MTHFD2L: variants seen among roughly 807,000 people sequenced by gnomAD.
The protein encoded by MTHFD2L is bifunctional methylenetetrahydrofolate dehydrogenase/cyclohydrolase 2, mitochondrial.
In MTHFD2L, 29 loss-of-function variants were observed where a neutral mutation model predicts 34.9. The observed-to-expected ratio is 0.83, with a 90% confidence interval of 0.62 to 1.13. MTHFD2L has a LOEUF of 1.13. Among genes scored for constraint, MTHFD2L ranks in the 50% most tolerant of loss-of-function variants. The pLI, the probability that MTHFD2L is intolerant of heterozygous loss-of-function variation, is 0.00. For synonymous variants in MTHFD2L, 167 were observed against 155.7 expected, an observed-to-expected ratio of 1.07 and a Z score of -0.54; for missense variants, 481 against 446.5, an observed-to-expected ratio of 1.08 and a Z score of -0.70.
intron 1 of MTHFD2L, among the ~76,000 whole-genome samples, chr4:74,129,179 A>T (rs920548089): frequency 6.6e-6 from 1 of 151,952 alleles, no homozygotes; most frequent in South Asian, 2.1e-4. Flanking sequence ...TAAAAGAGAA[A>T]ACTAAAAAAC....
At chr4:74,226,587 T>G (rs1281103410) in intron 6 of MTHFD2L, among the ~76,000 whole-genome samples, 2 of 152,224 alleles carry the variant, frequency 1.3e-5, no homozygotes, top group Non-Finnish European at 2.9e-5. Flanking sequence ...ATATGGGGCT[T>G]GTGTATGGAT....
intron 1 of MTHFD2L, among the ~76,000 whole-genome samples, chr4:74,151,886 G>A (rs986220571): frequency 2.6e-5 from 4 of 152,074 alleles, no homozygotes; most frequent in Non-Finnish European, 4.4e-5. Flanking sequence ...CAGGTTCATT[G>A]TTAGGAATGC....
chr4:74,266,020 G>C (rs1745243706), intron 6 of MTHFD2L, among the ~76,000 whole-genome samples: 1 of 152,140 alleles, frequency 6.6e-6, no homozygotes, highest in Admixed American at 6.6e-5. Flanking sequence ...TTGTATATCT[G>C]ATTTAATTTT....
chr4:74,257,181 G>T (rs1037916436), intron 6 of MTHFD2L, among the ~76,000 whole-genome samples: 1 of 151,934 alleles, frequency 6.6e-6, no homozygotes, highest in Non-Finnish European at 1.5e-5. Flanking sequence ...TTCACCTCTT[G>T]TTTATATGTA....
At chr4:74,123,707 TA>T (rs1245909257), upstream of MTHFD2L, among the ~76,000 whole-genome samples, 5 of 152,080 alleles carry the variant, frequency 3.3e-5, no homozygotes, top group Admixed American at 6.6e-5. Context: ...AGGGGATTTT[TA>T]TGGGCCCTAA....
chr4:74,285,492 CG>C (rs1464496258), intron 7 of MTHFD2L, among the ~76,000 whole-genome samples: 18 of 151,770 alleles, frequency 1.2e-4, no homozygotes, highest in African/African-American at 2.9e-4. Context: ...AAATTGCATT[CG>C]TTTTTTTAAA....
intron 7 of MTHFD2L, among the ~76,000 whole-genome samples, chr4:74,282,551 G>A (rs1747634333): frequency 6.6e-6 from 1 of 152,126 alleles, no homozygotes; most frequent in Non-Finnish European, 1.5e-5. Flanking sequence ...AATGCAGATA[G>A]TTAGAAGTGT....
chr4:74,267,178 T>A, intron 6 of MTHFD2L: 1 of 985,226 alleles, frequency 1.0e-6, no homozygotes, highest in East Asian at 1.1e-4. Flanking sequence ...AACATGACAG[T>A]TGGTAATATA....
At chr4:74,130,071 T>C (rs1019643046) in intron 1 of MTHFD2L, among the ~76,000 whole-genome samples, 4 of 151,848 alleles carry the variant, frequency 2.6e-5, no homozygotes, top group Non-Finnish European at 5.9e-5. Context: ...CAATAACAAG[T>C]TCTGAAATTG....
intron 7 of MTHFD2L, chr4:74,293,637 T>A: frequency 2.3e-6 from 1 of 442,778 alleles, no homozygotes; most frequent in Non-Finnish European, 3.0e-6. Context: ...GGCAAGCTAC[T>A]AACTTGTTAA....
At chr4:74,150,618 G>GCATA (rs755805651) in intron 1 of MTHFD2L, among the ~76,000 whole-genome samples, 9 of 151,990 alleles carry the variant, frequency 5.9e-5, no homozygotes, top group Non-Finnish European at 1.2e-4. Context: ...AAAAGCCAAT[G>GCATA]CATATATATT....
At chr4:74,288,457 T>A (rs920895527) in intron 7 of MTHFD2L, 1 of 152,224 alleles carries the variant, frequency 6.6e-6, no homozygotes, top group Non-Finnish European at 1.5e-5. Flanking sequence ...AATGGGAGGC[T>A]ACACTTTGGT....
intron 6 of MTHFD2L, among the ~76,000 whole-genome samples, chr4:74,243,117 G>T (rs1175396709): frequency 3.3e-5 from 5 of 152,182 alleles, no homozygotes; most frequent in Non-Finnish European, 7.4e-5. Context: ...GATTGCTGTG[G>T]CACAGAAGGC....
At chr4:74,192,497 A>T (rs1732728744) in intron 3 of MTHFD2L, among the ~76,000 whole-genome samples, 1 of 152,174 alleles carries the variant, frequency 6.6e-6, no homozygotes, top group Non-Finnish European at 1.5e-5. Context: ...TATTTATGTT[A>T]TGTGAAATTT....
intron 6 of MTHFD2L, among the ~76,000 whole-genome samples, chr4:74,254,272 C>T (rs1743699084): frequency 6.6e-6 from 1 of 152,104 alleles, no homozygotes; most frequent in Non-Finnish European, 1.5e-5. Context: ...GGGCATTCAG[C>T]TTCATGAAGC....
At chr4:74,296,399 C>G (rs1365867918) in intron 7 of MTHFD2L, among the ~76,000 whole-genome samples, 1 of 152,100 alleles carries the variant, frequency 6.6e-6, no homozygotes, top group Non-Finnish European at 1.5e-5. Context: ...TTTATTTTGT[C>G]CCCATGTGTA....
intron 1 of MTHFD2L, among the ~76,000 whole-genome samples, chr4:74,149,314 G>C (rs1723788191): frequency 6.6e-6 from 1 of 151,730 alleles, no homozygotes; most frequent in Non-Finnish European, 1.5e-5. Context: ...AGTGTTTTCT[G>C]TTTCCTCCTA....
At chr4:74,245,194 CAAAAAAAAAAA>C (rs57639523) in intron 6 of MTHFD2L, among the ~76,000 whole-genome samples, 2 of 66,390 alleles carry the variant, frequency 3.0e-5, no homozygotes, top group African/African-American at 6.3e-5. Flanking sequence ...GACTCAGTCT[CAAAAAAAAAAA>C]AAAAAAAAAA....
At chr4:74,166,841 A>G (rs1019644174) in intron 1 of MTHFD2L, among the ~76,000 whole-genome samples, 1 of 152,194 alleles carries the variant, frequency 6.6e-6, no homozygotes, top group Admixed American at 6.5e-5. Flanking sequence ...ATTCAGGTCC[A>G]AGCCTATCCC....
Sources: allele counts gnomAD v4.1 joint callset (sites outside exome capture counted in the v4.1 genomes callset), GRCh38; gene constraint gnomAD v4.1.1; transcripts MANE v1.5; gene names NCBI Gene and HGNC (gene_info 2026-07-23, HGNC 2026-07-21).